DRC9: variants seen among roughly 807,000 people sequenced by gnomAD.
DRC9 encodes the protein dynein regulatory complex subunit 9, also known as dynein regulatory complex protein 9.
At chr3:197,914,653 G>A in the DRC9 span, among the ~76,000 whole-genome samples, 1 of 152,136 alleles carries the variant, frequency 6.6e-6, no homozygotes, top group Non-Finnish European at 1.5e-5. Flanking sequence ...TTCCCTCATA[G>A]AGCTTACAGT....
chr3:197,904,136 C>A, the DRC9 span, among the ~76,000 whole-genome samples: 2 of 141,440 alleles, frequency 1.4e-5, no homozygotes, highest in South Asian at 2.2e-4. Context: ...GGCCAAAGAT[C>A]TGAATAGGCA....
At chr3:197,949,895 C>G in the DRC9 span, 9 of 396,878 alleles carry the variant, frequency 2.3e-5, no homozygotes, top group African/African-American at 1.6e-4. Context: ...GCCTTTCCAC[C>G]TACGGCGTCC....
the DRC9 span, among the ~76,000 whole-genome samples, chr3:197,891,703 T>C: frequency 9.9e-5 from 15 of 152,224 alleles, no homozygotes; most frequent in African/African-American, 3.6e-4. Context: ...AGATGGTAAA[T>C]ATTCACATAT....
At chr3:197,938,764 T>G in the DRC9 span, 1 of 1,609,912 alleles carries the variant, frequency 6.2e-7, no homozygotes, top group Non-Finnish European at 8.5e-7. Flanking sequence ...TCCTTCTAGA[T>G]TCATTTCTCT....
At chr3:197,950,719 C>T in the DRC9 span, 10 of 583,934 alleles carry the variant, frequency 1.7e-5, no homozygotes, top group East Asian at 2.8e-5. Flanking sequence ...TTAGTTTTGT[C>T]TTCATTCTGA....
At chr3:197,936,413 G>A in the DRC9 span, among the ~76,000 whole-genome samples, 5 of 151,978 alleles carry the variant, frequency 3.3e-5, no homozygotes, top group African/African-American at 1.2e-4. Context: ...CACACACGCT[G>A]GAGTGCAGTG....
chr3:197,959,134 G>A, the DRC9 span: 1 of 152,124 alleles, frequency 6.6e-6, no homozygotes, highest in African/African-American at 2.4e-5. Flanking sequence ...TTGATCCCGG[G>A]AGGCAGAGGT....
the DRC9 span, chr3:197,891,503 C>T: frequency 6.2e-7 from 1 of 1,605,690 alleles, no homozygotes; most frequent in East Asian, 2.2e-5. Context: ...TGCTCCTCTC[C>T]TTTTCTATAC....
At chr3:197,940,266 G>A in the DRC9 span, among the ~76,000 whole-genome samples, 13 of 151,278 alleles carry the variant, frequency 8.6e-5, no homozygotes, top group Non-Finnish European at 1.8e-4. Flanking sequence ...AAAGTGCTGG[G>A]ATGACAGGCG....
At chr3:197,908,526 C>T in the DRC9 span, among the ~76,000 whole-genome samples, 21 of 147,194 alleles carry the variant, frequency 1.4e-4, no homozygotes, top group South Asian at 6.6e-4. Flanking sequence ...GACCCCTTTC[C>T]CAGGCATCCT....
the DRC9 span, chr3:197,949,895 C>T: frequency 2.5e-6 from 1 of 396,996 alleles, no homozygotes; most frequent in Non-Finnish European, 4.4e-6. Flanking sequence ...GCCTTTCCAC[C>T]TACGGCGTCC....
At chr3:197,889,608 T>C in the DRC9 span, 3 of 1,614,248 alleles carry the variant, frequency 1.9e-6, no homozygotes, top group South Asian at 3.3e-5. Flanking sequence ...CCTCTTATCC[T>C]TGCCTTTACC....
At chr3:197,915,955 T>A in the DRC9 span, among the ~76,000 whole-genome samples, 1 of 152,098 alleles carries the variant, frequency 6.6e-6, no homozygotes, top group East Asian at 1.9e-4. Context: ...CTTAACCATG[T>A]AAGTAGGGTA....
At chr3:197,923,393 C>T in the DRC9 span, among the ~76,000 whole-genome samples, 1 of 152,200 alleles carries the variant, frequency 6.6e-6, no homozygotes, top group African/African-American at 2.4e-5. Flanking sequence ...GATCCTTCCA[C>T]CTCCTAGTGA....
At chr3:197,919,008 A>G in the DRC9 span, among the ~76,000 whole-genome samples, 1 of 151,912 alleles carries the variant, frequency 6.6e-6, no homozygotes, top group Admixed American at 6.6e-5. Flanking sequence ...GGGTTTCTCC[A>G]TGTTAGTCAG....
At chr3:197,935,468 T>C in the DRC9 span, among the ~76,000 whole-genome samples, 1 of 150,120 alleles carries the variant, frequency 6.7e-6, no homozygotes, top group South Asian at 2.1e-4. Context: ...GAAAAGTAAA[T>C]TTGTGATTTT....
chr3:197,896,794 A>G, the DRC9 span, among the ~76,000 whole-genome samples: 1 of 152,194 alleles, frequency 6.6e-6, no homozygotes, highest in Non-Finnish European at 1.5e-5. Flanking sequence ...TTCACCCTCT[A>G]TCACCTTGGG....
the DRC9 span, among the ~76,000 whole-genome samples, chr3:197,933,994 A>G: frequency 1.3e-5 from 2 of 150,350 alleles, no homozygotes; most frequent in East Asian, 1.9e-4. Flanking sequence ...AAAAAAAAAA[A>G]GAAGTTTTCT....
chr3:197,938,722 G>T, the DRC9 span: 3 of 1,613,922 alleles, frequency 1.9e-6, no homozygotes, highest in African/African-American at 4.0e-5. Flanking sequence ...TTTTGTGATT[G>T]TTGAGGCCAT....
Sources: allele counts gnomAD v4.1 joint callset (sites outside exome capture counted in the v4.1 genomes callset), GRCh38; gene constraint gnomAD v4.1.1; transcripts MANE v1.5; gene names NCBI Gene and HGNC (gene_info 2026-07-23, HGNC 2026-07-21).